ARHGAP5: variants seen among roughly 807,000 people sequenced by gnomAD.
The protein encoded by ARHGAP5 is Rho GTPase activating protein 5.
A neutral mutation model predicts 116.6 loss-of-function variants in ARHGAP5; 23 were observed. The observed-to-expected ratio is 0.20, with a 90% CI of 0.14 to 0.28. ARHGAP5 has a LOEUF of 0.28. Ranked by LOEUF, ARHGAP5 falls within the 10% of genes least tolerant of loss-of-function variation. ARHGAP5 has a pLI of 1.00. For missense variants in ARHGAP5, 1,405 were observed against 1,774.8 expected, an observed-to-expected ratio of 0.79 and a Z score of 3.74; for synonymous variants, 574 against 602.0, an observed-to-expected ratio of 0.95 and a Z score of 0.68.
chr14:32,146,274 G>A lies in ARHGAP5; in HGVS notation c.3877G>A (p.Glu1293Lys), dbSNP rs751865301. 13 of 1,611,348 alleles carry A rather than the reference G, an allele frequency of 8.1e-6. No homozygotes were observed. Among genetic ancestry groups the A allele is most frequent in the Admixed American group, 1.7e-5 (1 of 59,960 alleles). The change falls in exon 4 of 7, where the codon GAA becomes AAA. Residue 1293 changes from glutamate (E) to lysine (K), a missense_variant. Glu to Lys is a moderately conservative substitution (Grantham distance 56). Coordinates refer to ENST00000345122, the MANE Select transcript of ARHGAP5 (RefSeq NM_001030055.2). ...CTTTATTCTCTTAGGGTTATGTACCGAAGGACTCTACCGTGTCAGCGGGAA... is the reference window on the plus strand; with the variant it reads ...CTTTATTCTCTTAGGGTTATGTACCAAAGGACTCTACCGTGTCAGCGGGAA... ...EFIEDTGLCT[E>K]GLYRVSGNKT...
chr14:32,086,143 G>T (rs2041827514), intron 1 of ARHGAP5, among the ~76,000 whole-genome samples: 1 of 152,136 alleles, frequency 6.6e-6, no homozygotes, highest in Admixed American at 6.6e-5. Context: ...AGAGTTAGCA[G>T]TGGGGATCTT....
chr14:32,137,798 C>T (rs1159139005), intron 3 of ARHGAP5, among the ~76,000 whole-genome samples: 1 of 151,600 alleles, frequency 6.6e-6, no homozygotes, highest in Admixed American at 6.6e-5. Flanking sequence ...ATGATGAAAC[C>T]CCGTCTCTAC....
At chr14:32,148,800 A>AT (rs921713937) in intron 4 of ARHGAP5, among the ~76,000 whole-genome samples, 1 of 151,826 alleles carries the variant, frequency 6.6e-6, no homozygotes, top group Middle Eastern at 3.2e-3. Context: ...TGATGGGGAA[A>AT]TTTTTTTTCT....
rs140030610 is a variant in ARHGAP5, at chr14:32,141,609, G to C, written c.3866-4654G>C. On this transcript the variant is annotated intron_variant, in intron 3 of 6. Transcript: ENST00000345122. ...CCTTCGTTATTTATTTTTTTGTATG[G>C]CTTCAAGTTACTGTCTAGTGCCCTT... is the stretch of plus-strand genomic sequence containing the variant. 5.0e-3 allele frequency among the ~76,000 whole-genome samples: 757 copies of C among 152,182 alleles called. 3 individuals are homozygous for C. The highest frequency in any genetic ancestry group is 0.01 in the Middle Eastern group (3 of 294).
chr14:32,135,551 T>C (rs1390007737), intron 3 of ARHGAP5, among the ~76,000 whole-genome samples: 1 of 152,204 alleles, frequency 6.6e-6, no homozygotes, highest in Non-Finnish European at 1.5e-5. Context: ...GCCTCCTGAG[T>C]AGCTGGGTTT....
intron 3 of ARHGAP5, among the ~76,000 whole-genome samples, chr14:32,132,617 T>C (rs899620095): frequency 7.2e-5 from 11 of 152,250 alleles, no homozygotes; most frequent in Non-Finnish European, 1.3e-4. Context: ...ATTTTGTCTT[T>C]TGTTGCCATT....
rs559282390 is a variant in ARHGAP5 at position 32,099,195 on chromosome 14, A to G, written c.3717+4809A>G. Reference sequence around the variant, plus strand: ...CAGCTTCATCAGTAATGTGCTGTTCATGATACAGAACATTAGAAATTTGCC... The same window carrying G: ...CAGCTTCATCAGTAATGTGCTGTTCGTGATACAGAACATTAGAAATTTGCC... On this transcript the variant is annotated intron_variant, in intron 2 of 6. Transcript: ENST00000345122. Among the ~76,000 whole-genome samples the G allele has an allele frequency of 2.6e-5, 4 of 152,316 alleles. No individual in the cohort carries two copies. The South Asian group carries it at 6.2e-4, about 24-fold the overall frequency.
intron 3 of ARHGAP5, among the ~76,000 whole-genome samples, chr14:32,138,764 T>G (rs1880942264): frequency 6.6e-6 from 1 of 152,270 alleles, no homozygotes. Flanking sequence ...ATACTCGTTT[T>G]GTTCTTGATC....
intron 6 of ARHGAP5, among the ~76,000 whole-genome samples, chr14:32,153,718 A>C (rs1330868145): frequency 6.6e-6 from 1 of 151,870 alleles, no homozygotes; most frequent in Non-Finnish European, 1.5e-5. Flanking sequence ...TGATCCGCCT[A>C]CCTCGGCCTC....
chr14:32,138,578 C>G (rs1004370006), intron 3 of ARHGAP5, among the ~76,000 whole-genome samples: 1 of 152,250 alleles, frequency 6.6e-6, no homozygotes, highest in African/African-American at 2.4e-5. Context: ...GCCACTGCGC[C>G]TGGCCAACTC....
intron 2 of ARHGAP5, among the ~76,000 whole-genome samples, chr14:32,095,401 G>GTTTTTTTTTTTTTTGT (rs1878472015): frequency 8.3e-6 from 1 of 121,020 alleles, no homozygotes; most frequent in Non-Finnish European, 1.8e-5. Flanking sequence ...TGTAAACTTT[G>GTTTTTTTTTTTTTTGT]TTTTTTTTTT....
At chr14:32,112,739 G>T (rs940685198) in intron 2 of ARHGAP5, among the ~76,000 whole-genome samples, 1 of 152,120 alleles carries the variant, frequency 6.6e-6, no homozygotes, top group South Asian at 2.1e-4. Flanking sequence ...GGGCATGGTG[G>T]CAGGGCTTGT....
intron 2 of ARHGAP5, among the ~76,000 whole-genome samples, chr14:32,107,249 T>G (rs139523152): frequency 1.3e-4 from 20 of 152,164 alleles, no homozygotes; most frequent in African/African-American, 4.3e-4. Flanking sequence ...CACATACAGT[T>G]GGCTATTCTT....
chr14:32,111,839 A>ATTTTTTTTTTTTTTTTTTCTTTTTTTTTT, intron 2 of ARHGAP5, among the ~76,000 whole-genome samples: 1 of 93,176 alleles, frequency 1.1e-5, no homozygotes, highest in Non-Finnish European at 2.1e-5. Flanking sequence ...TTCTTCTTTG[A>ATTTTTTTTTTTTTTTTTTCTTTTTTTTTT]TTTTTTTTTT....
At position 32,091,822 on chromosome 14, in the gene ARHGAP5, C is replaced by A; in HGVS notation, c.1153C>A (p.Pro385Thr). 6.2e-7 allele frequency: 1 copy of A among 1,613,480 alleles called. No individual in the cohort carries two copies. Residue 385 changes from proline to threonine, a missense_variant, in exon 2 of 7, where the codon CCT (proline) becomes ACT (threonine). By Grantham distance (38) the Pro-to-Thr change is conservative. Around this residue, in one of 6 missense-constraint regions of ARHGAP5, gnomAD observed 944 missense variants for 1,095.3 expected, o/e 0.86. Coordinates refer to ENST00000345122, the MANE Select transcript of ARHGAP5 (RefSeq NM_001030055.2). ...QLCFVVLEKT[P>T]WDETDHIDKI... ...ATGTTTTGTGGTGCTAGAAAAAACT[C>A]CTTGGGATGAAACTGACCATATAGA...
At chr14:32,096,504 T>C (rs1443145710) in intron 2 of ARHGAP5, among the ~76,000 whole-genome samples, 9 of 152,086 alleles carry the variant, frequency 5.9e-5, no homozygotes, top group Non-Finnish European at 1.3e-4. Context: ...GAGAACATAA[T>C]TACAGATAGA....
At chr14:32,089,969 A>T (rs1021420094) in intron 1 of ARHGAP5, among the ~76,000 whole-genome samples, 14 of 151,938 alleles carry the variant, frequency 9.2e-5, no homozygotes, top group South Asian at 4.1e-4. Context: ...TAGATTTTTT[A>T]AAAAAGACTT....
chr14:32,094,529 G>C, intron 2 of ARHGAP5, 143 bp downstream of exon 2: 1 of 572,246 alleles, frequency 1.7e-6, no homozygotes, highest in Non-Finnish European at 2.8e-6. Flanking sequence ...AGTATTCTGT[G>C]GGGATAAGTG....
chr14:32,100,374 TTG>T (rs1878736584), intron 2 of ARHGAP5, among the ~76,000 whole-genome samples: 1 of 152,096 alleles, frequency 6.6e-6, no homozygotes, highest in African/African-American at 2.4e-5. Flanking sequence ...TAATTTTTTG[TTG>T]TCATAGAGAT....
Sources: allele counts gnomAD v4.1 joint callset (sites outside exome capture counted in the v4.1 genomes callset), GRCh38; gene constraint gnomAD v4.1.1; regional missense constraint gnomAD v4.1.1; transcripts MANE v1.5; gene names NCBI Gene and HGNC (gene_info 2026-07-23, HGNC 2026-07-21).